Variants in WWC2 observed in about 807,000 individuals in gnomAD.
The protein encoded by WWC2 is protein WWC2.
Under a neutral mutation model 138.5 loss-of-function variants are expected in WWC2, and 101 were observed. The observed-to-expected ratio is 0.73, with a 90% confidence interval of 0.62 to 0.86. The LOEUF (loss-of-function observed/expected upper bound fraction) is 0.86, where lower values mean the gene tolerates loss of function less well. WWC2 is among the 40% of genes least tolerant of loss of function. The pLI, the probability that WWC2 is intolerant of heterozygous loss-of-function variation, is 0.00. For synonymous variants in WWC2, 558 were observed against 538.4 expected, an observed-to-expected ratio of 1.04 and a Z score of -0.50; for missense variants, 1,420 against 1,419.4, an observed-to-expected ratio of 1.00 and a Z score of -0.01.
In WWC2 at chr4:183,199,048, C is replaced by A. The variant is rs980698483; in HGVS notation, c.241+5340C>A. The stretch of plus-strand genomic sequence containing the variant: ...ATTCTAAAGAGTGTAGCCACATCTA[C>A]TTGGAGAAAGTGCTTTAAGCTGAAA... On this transcript the variant is annotated intron_variant, in intron 2 of 22. Transcript: ENST00000403733. Among the ~76,000 whole-genome samples the A allele has an allele frequency of 9.2e-5, 14 of 152,082 alleles. No homozygotes were observed. In the East Asian group the frequency reaches 2.7e-3, roughly 29 times the overall value.
At chr4:183,139,915 C>T (rs563468832) in intron 1 of WWC2, among the ~76,000 whole-genome samples, 1 of 152,162 alleles carries the variant, frequency 6.6e-6, no homozygotes, top group Non-Finnish European at 1.5e-5. Flanking sequence ...CGGGTGCAAG[C>T]AATCCTCCTG....
chr4:183,223,269 C>T (rs140564299), intron 4 of WWC2, among the ~76,000 whole-genome samples: 37 of 152,310 alleles, frequency 2.4e-4, no homozygotes, highest in African/African-American at 8.4e-4. Context: ...GTGATATTCA[C>T]GTGATAGCAG....
intron 2 of WWC2, among the ~76,000 whole-genome samples, chr4:183,201,581 T>C (rs1396126803): frequency 2.0e-5 from 3 of 152,224 alleles, no homozygotes; most frequent in South Asian, 2.1e-4. Flanking sequence ...CAGTCTGGTC[T>C]CTGGAAATTC....
intron 1 of WWC2, among the ~76,000 whole-genome samples, chr4:183,182,619 G>A (rs73870361): frequency 1.3e-5 from 2 of 150,746 alleles, no homozygotes; most frequent in African/African-American, 4.9e-5. Flanking sequence ...TTAAAAACCT[G>A]CTGAATTATT....
intron 4 of WWC2, among the ~76,000 whole-genome samples, chr4:183,210,277 G>A (rs1380454148): frequency 6.6e-6 from 1 of 152,096 alleles, no homozygotes; most frequent in Non-Finnish European, 1.5e-5. Context: ...GACCTCGGGG[G>A]TGGGGCGGAG....
In WWC2 at chr4:183,246,637, G is replaced by A. The variant is rs545289350; in HGVS notation, c.732+1092G>A. 3.3e-5 allele frequency among the ~76,000 whole-genome samples: 5 copies of A among 152,288 alleles called. No homozygotes were observed. The East Asian group carries it at 9.6e-4, about 29-fold the overall frequency. ...ACAACAGCCACTAAAGGTAGGCACT[G>A]TTATTATTCTCAGCTTACAGACGAG... On this transcript the variant is annotated intron_variant, in intron 6 of 22. Coordinates refer to ENST00000403733, the MANE Select transcript of WWC2 (RefSeq NM_024949.6).
At chr4:183,245,314 A>G in intron 5 of WWC2, 102 bp from the exon 6 acceptor site, 3 of 1,079,354 alleles carry the variant, frequency 2.8e-6, no homozygotes, top group Non-Finnish European at 3.7e-6. Flanking sequence ...CAGCAGTGAA[A>G]TAATCATCCA....
rs187614254 is a variant in WWC2 at position 183,143,724 on chromosome 4, C to T, written c.131+44102C>T. Among the ~76,000 whole-genome samples the T allele has an allele frequency of 3.7e-3, 564 of 152,026 alleles. 3 individuals carry two copies. Among genetic ancestry groups the T allele is most frequent in the African/African-American group, 0.013 (529 of 41,486 alleles). On this transcript the variant is annotated intron_variant, in intron 1 of 22. Coordinates refer to ENST00000403733, the MANE Select transcript of WWC2 (RefSeq NM_024949.6). ...TTGGGAGGCTGAGGTGGGAGGATCG[C>T]TTGAGCCCAGGAGGCAGAGGTTGCA...
At chr4:183,232,624 A>G (rs1736281882) in intron 4 of WWC2, among the ~76,000 whole-genome samples, 2 of 152,044 alleles carry the variant, frequency 1.3e-5, no homozygotes. Flanking sequence ...GTACTGCCAA[A>G]TAATATTCCA....
At chr4:183,118,069 A>T (rs538371063) in intron 1 of WWC2, among the ~76,000 whole-genome samples, 38 of 152,292 alleles carry the variant, frequency 2.5e-4, no homozygotes, top group African/African-American at 8.7e-4. Flanking sequence ...AAGTGCTGGG[A>T]TTACAGGAGT....
At chr4:183,303,496 A>G (rs1738925364) in intron 21 of WWC2, among the ~76,000 whole-genome samples, 1 of 152,206 alleles carries the variant, frequency 6.6e-6, no homozygotes. Flanking sequence ...AATGGGGAAC[A>G]GAGTCATCGT....
intron 1 of WWC2, among the ~76,000 whole-genome samples, chr4:183,183,778 G>A (rs564756154): frequency 2.4e-4 from 36 of 151,272 alleles, no homozygotes; most frequent in African/African-American, 8.5e-4. Flanking sequence ...GTGAGACCCT[G>A]TCTCAAAAAA....
At chr4:183,271,929 C>T (rs1737706991) in intron 16 of WWC2, among the ~76,000 whole-genome samples, 1 of 152,110 alleles carries the variant, frequency 6.6e-6, no homozygotes, top group African/African-American at 2.4e-5. Flanking sequence ...TCGATTGACC[C>T]TCAGAAGTTG....
chr4:183,182,687 T>C (rs1399337038), intron 1 of WWC2, among the ~76,000 whole-genome samples: 1 of 152,246 alleles, frequency 6.6e-6, no homozygotes, highest in Non-Finnish European at 1.5e-5. Flanking sequence ...TCTGTTAAGA[T>C]ATTCATTATG....
At chr4:183,110,610 A>T (rs1015940058) in intron 1 of WWC2, among the ~76,000 whole-genome samples, 1 of 152,188 alleles carries the variant, frequency 6.6e-6, no homozygotes. Context: ...GAATTACAAT[A>T]GTTCCAATAG....
At chr4:183,203,333 C>T (rs1012876074) in intron 2 of WWC2, among the ~76,000 whole-genome samples, 1 of 151,936 alleles carries the variant, frequency 6.6e-6, no homozygotes, top group Middle Eastern at 3.4e-3. Context: ...GTACCTCAGC[C>T]CTTCTGAGGT....
chr4:183,179,681 TG>T (rs1374734420), intron 1 of WWC2, among the ~76,000 whole-genome samples: 5 of 151,952 alleles, frequency 3.3e-5, no homozygotes, highest in Admixed American at 6.6e-5. Flanking sequence ...ACTGGGGAAG[TG>T]GTCATGAGGG....
chr4:183,263,798 A>C (rs1328057146), intron 11 of WWC2, among the ~76,000 whole-genome samples: 3 of 152,122 alleles, frequency 2.0e-5, no homozygotes, highest in Non-Finnish European at 4.4e-5. Context: ...AGTCACCAGC[A>C]CTTTTTTTCA....
At chr4:183,172,556 G>GTTTTTTTTTTTTTTTTTTTT (rs61599876) in intron 1 of WWC2, among the ~76,000 whole-genome samples, 11 of 113,042 alleles carry the variant, frequency 9.7e-5, no homozygotes, top group Non-Finnish European at 1.5e-4. Context: ...TATGTTTCTT[G>GTTTTTTTTTTTTTTTTTTTT]TTTTTTTTTT....
Sources: gnomAD v4.1 joint callset for allele counts (sites outside exome capture counted in the v4.1 genomes callset) on GRCh38, gnomAD v4.1.1 for gene constraint, MANE v1.5 for transcripts, NCBI Gene and HGNC (gene_info 2026-07-23, HGNC 2026-07-21) for gene names.